Variants in FHOD3 observed in about 807,000 individuals in gnomAD.
The protein encoded by FHOD3 is formin homology 2 domain containing 3, also known as FH1/FH2 domain-containing protein 3.
Under a neutral mutation model 173.0 loss-of-function variants are expected in FHOD3, and 90 were observed. That is an observed-to-expected ratio of 0.52 (90% CI 0.44 to 0.62). The LOEUF (loss-of-function observed/expected upper bound fraction) is 0.62. Among genes scored for constraint, FHOD3 ranks in the 20% least tolerant of loss-of-function variants. The probability of loss-of-function intolerance (pLI) is 0.00; values close to 1 mark genes in which losing one functional copy is unlikely to be tolerated. For synonymous variants in FHOD3, 828 were observed against 823.0 expected (o/e 1.01, Z -0.10); for missense variants, 1,945 against 2,034.7 (o/e 0.96, Z 0.85).
At chr18:36,369,492 C>CAT (rs1362171461) in intron 2 of FHOD3, among the ~76,000 whole-genome samples, 2 of 119,134 alleles carry the variant, frequency 1.7e-5, no homozygotes, top group African/African-American at 7.5e-5. Context: ...CACACACACA[C>CAT]ACACACATAT....
intron 3 of FHOD3, among the ~76,000 whole-genome samples, chr18:36,482,129 G>A (rs182891201): frequency 2.0e-5 from 3 of 152,262 alleles, no homozygotes; most frequent in African/African-American, 7.2e-5. Flanking sequence ...GAGGGTACTG[G>A]TTCTTTCATT....
chr18:36,604,154 C>T (rs1175714899), intron 8 of FHOD3, among the ~76,000 whole-genome samples: 2 of 152,142 alleles, frequency 1.3e-5, no homozygotes, highest in African/African-American at 4.8e-5. Flanking sequence ...CCATTTGGAT[C>T]GACATGCCTT....
chr18:36,677,983 G>A (rs62084009), intron 14 of FHOD3, among the ~76,000 whole-genome samples: 2,934 of 152,212 alleles, frequency 0.019, 36 homozygotes, highest in Middle Eastern at 0.034. Context: ...TGTTGCTAAT[G>A]TAAAAATGTA....
intron 1 of FHOD3, among the ~76,000 whole-genome samples, chr18:36,305,030 C>G (rs2092055025): frequency 6.6e-6 from 1 of 152,146 alleles, no homozygotes; most frequent in African/African-American, 2.4e-5. Flanking sequence ...AGTTGTATAC[C>G]TTGGCACCCT....
chr18:36,344,721 AAC>A (rs1198622736), intron 1 of FHOD3, among the ~76,000 whole-genome samples: 2 of 152,206 alleles, frequency 1.3e-5, no homozygotes, highest in Non-Finnish European at 2.9e-5. Context: ...ATTTTAAATT[AAC>A]AGTCTTTGAT....
intron 10 of FHOD3, among the ~76,000 whole-genome samples, chr18:36,640,250 A>G (rs2148967114): frequency 6.6e-6 from 1 of 152,188 alleles, no homozygotes; most frequent in East Asian, 1.9e-4. Flanking sequence ...GCTCTGTTAG[A>G]TGTCTTTTCA....
intron 3 of FHOD3, among the ~76,000 whole-genome samples, chr18:36,475,016 CA>C (rs2053487515): frequency 7.3e-6 from 1 of 137,024 alleles, no homozygotes. Context: ...CACACACACA[CA>C]CACACACACA....
intron 20 of FHOD3, among the ~76,000 whole-genome samples, chr18:36,737,908 A>G (rs1451044791): frequency 6.6e-6 from 1 of 152,240 alleles, no homozygotes. Context: ...GTTTTAAAGC[A>G]TATAAATTCA....
intron 14 of FHOD3, among the ~76,000 whole-genome samples, chr18:36,667,151 C>A (rs1280624019): frequency 6.6e-6 from 1 of 152,112 alleles, no homozygotes; most frequent in Non-Finnish European, 1.5e-5. Flanking sequence ...TATCTGTTTA[C>A]CTGTTGATAG....
At chr18:36,742,695 A>C in intron 21 of FHOD3, 42 bp from the exon 22 acceptor site, 1 of 1,589,498 alleles carries the variant, frequency 6.3e-7, no homozygotes, top group African/African-American at 1.4e-5. Context: ...AGTAAACCCA[A>C]ATTGTACACT....
intron 2 of FHOD3, among the ~76,000 whole-genome samples, chr18:36,364,987 T>C (rs1479971370): frequency 1.3e-5 from 2 of 152,258 alleles, no homozygotes; most frequent in Admixed American, 1.3e-4. Flanking sequence ...AGCTGAAATC[T>C]GTGAACAGCT....
intron 3 of FHOD3, among the ~76,000 whole-genome samples, chr18:36,462,289 G>A (rs531243980): frequency 1.5e-5 from 2 of 132,954 alleles, no homozygotes; most frequent in African/African-American, 5.6e-5. Flanking sequence ...CAGTTCTCTC[G>A]TGTGTGTGTG....
chr18:36,456,014 A>C (rs1003900473), intron 3 of FHOD3, among the ~76,000 whole-genome samples: 1 of 151,994 alleles, frequency 6.6e-6, no homozygotes, highest in Non-Finnish European at 1.5e-5. Flanking sequence ...CGAGTTGTGC[A>C]CCTCAAATGT....
At chr18:36,468,030 T>C (rs776093421) in intron 3 of FHOD3, among the ~76,000 whole-genome samples, 1 of 152,196 alleles carries the variant, frequency 6.6e-6, no homozygotes, top group Non-Finnish European at 1.5e-5. Context: ...GGGTGGCCCC[T>C]GGGGTTCCCA....
At chr18:36,622,167 C>T (rs1285819118) in intron 9 of FHOD3, among the ~76,000 whole-genome samples, 3 of 152,100 alleles carry the variant, frequency 2.0e-5, no homozygotes, top group African/African-American at 7.2e-5. Flanking sequence ...TGGCCATTAC[C>T]AGGGGCTAAG....
chr18:36,531,797 C>T (rs932759653), intron 5 of FHOD3, among the ~76,000 whole-genome samples: 19 of 152,198 alleles, frequency 1.2e-4, no homozygotes, highest in African/African-American at 4.3e-4. Context: ...CTACAGCCTG[C>T]GGTCCTCTCG....
chr18:36,427,364 C>T (rs2050307091), intron 3 of FHOD3, among the ~76,000 whole-genome samples: 1 of 149,528 alleles, frequency 6.7e-6, no homozygotes, highest in Admixed American at 6.7e-5. Context: ...CATGTCCTCT[C>T]TTGTGGCCAG....
In FHOD3 at chr18:36,441,895, C is replaced by A. The variant is rs576128975; in HGVS notation, c.338-60037C>A. ...CACGTTGCATGATTTTTTTAAAAAGCCCCAAAAACAAAATTAGAAAAGTCA... is the reference window on the plus strand; with the variant it reads ...CACGTTGCATGATTTTTTTAAAAAGACCCAAAAACAAAATTAGAAAAGTCA... On this transcript the variant is annotated intron_variant, in intron 3 of 28. Coordinates refer to ENST00000590592, the MANE Select transcript of FHOD3 (RefSeq NM_001281740.3). Among the ~76,000 whole-genome samples the A allele has an allele frequency of 2.6e-5, 4 of 152,196 alleles. No individual in the cohort carries two copies. In the East Asian group the frequency reaches 5.8e-4, roughly 22 times the overall value.
intron 3 of FHOD3, among the ~76,000 whole-genome samples, chr18:36,484,340 G>A (rs1302820233): frequency 6.7e-6 from 1 of 150,122 alleles, no homozygotes; most frequent in Non-Finnish European, 1.5e-5. Flanking sequence ...TTGAAGGTAG[G>A]ATGTGCGTGG....
Sources: gnomAD v4.1 joint callset for allele counts (sites outside exome capture counted in the v4.1 genomes callset) on GRCh38, gnomAD v4.1.1 for gene constraint, MANE v1.5 for transcripts, NCBI Gene and HGNC (gene_info 2026-07-23, HGNC 2026-07-21) for gene names.